The following OSBPL9 variants were observed in gnomAD, a reference collection of about 807,000 sequenced individuals.
OSBPL9 encodes oxysterol binding protein like 9, also known as oxysterol-binding protein-related protein 9.
Under a neutral mutation model 106.6 loss-of-function variants are expected in OSBPL9, and 40 were observed. That is an observed-to-expected ratio of 0.38 (90% confidence interval 0.29 to 0.49). The LOEUF (loss-of-function observed/expected upper bound fraction) is 0.49. Among genes scored for constraint, OSBPL9 ranks in the 20% least tolerant of loss-of-function variants. OSBPL9 has a pLI of 0.97. For synonymous variants in OSBPL9, 269 were observed against 295.4 expected (o/e 0.91, Z 0.92); for missense variants, 609 against 887.2 (o/e 0.69, Z 3.98).
rs540529666 is a variant in OSBPL9, at chr1:51,606,502, G to T, written c.-352-7803G>T. Among the ~76,000 whole-genome samples, 21 of 152,322 alleles carry T rather than the reference G, an allele frequency of 1.4e-4. No homozygotes were observed. In the South Asian group the frequency reaches 4.4e-3, roughly 32 times the overall value. On this transcript the variant is annotated intron_variant, in intron 2 of 25. Coordinates refer to the OSBPL9 transcript ENST00000371714. ...CTAGGTGGATATAGAATGAGGAAGA[G>T]GGCATGAGAATTCTGCAAGACTTCT...
At chr1:51,608,862 A>G (rs764294103) in intron 2 of OSBPL9, among the ~76,000 whole-genome samples, 7 of 152,130 alleles carry the variant, frequency 4.6e-5, no homozygotes, top group Non-Finnish European at 8.8e-5. Flanking sequence ...GCTGGGGGAA[A>G]AAAAAAATCC....
chr1:51,688,159 A>G (rs1654224637), intron 3 of OSBPL9, among the ~76,000 whole-genome samples: 1 of 152,220 alleles, frequency 6.6e-6, no homozygotes. Flanking sequence ...AAATCAGGGT[A>G]ATGCCATAAA....
rs752258090 is a variant in OSBPL9, at chr1:51,761,985, T to A, written c.778+14T>A. On this transcript the variant is annotated intron_variant, in intron 11 of 23. Transcript: ENST00000428468. ...CAAATAGTACAGGTACAGATTTGCA[T>A]AATTTCTTTATGTCTCATAACTCTA... is the stretch of plus-strand genomic sequence containing the variant. The A allele has an allele frequency of 6.5e-7, 1 of 1,544,036 alleles. No individual in the cohort carries two copies. Among genetic ancestry groups the A allele is most frequent in the Non-Finnish European group, 9.0e-7 (1 of 1,116,372 alleles).
At chr1:51,544,045 G>C in the OSBPL9 span, among the ~76,000 whole-genome samples, 1 of 152,226 alleles carries the variant, frequency 6.6e-6, no homozygotes, top group African/African-American at 2.4e-5. Context: ...GCAAGAGTGA[G>C]AATAATGACT....
At chr1:51,740,044 G>T (rs1265452513) in intron 4 of OSBPL9, 1 of 1,451,918 alleles carries the variant, frequency 6.9e-7, no homozygotes, top group Non-Finnish European at 9.4e-7. Context: ...CCTCTGTGTA[G>T]TTACAGATTT....
chr1:51,527,136 T>G, the OSBPL9 span, among the ~76,000 whole-genome samples: 1 of 152,166 alleles, frequency 6.6e-6, no homozygotes, highest in African/African-American at 2.4e-5. Flanking sequence ...AATTTGACAT[T>G]GAATCAAGGT....
intron 3 of OSBPL9, among the ~76,000 whole-genome samples, chr1:51,706,434 C>T (rs1658551915): frequency 1.3e-5 from 2 of 152,026 alleles, no homozygotes; most frequent in South Asian, 2.1e-4. Flanking sequence ...TTATTCATGG[C>T]ATTAATGATC....
intron 1 of OSBPL9, among the ~76,000 whole-genome samples, chr1:51,587,400 C>G (rs1342928663): frequency 1.3e-5 from 2 of 152,094 alleles, no homozygotes; most frequent in African/African-American, 4.8e-5. Flanking sequence ...ATCTGAAACT[C>G]GAACACCCAT....
chr1:51,576,419 C>T (rs1465151853), upstream of OSBPL9, among the ~76,000 whole-genome samples: 3 of 152,214 alleles, frequency 2.0e-5, no homozygotes, highest in Non-Finnish European at 4.4e-5. Flanking sequence ...GTATTAGGCC[C>T]TCATGGGGCT....
Position 51,787,423 on chromosome 1 carries a change from C to G in OSBPL9, c.2071C>G (p.Leu691Val). The change falls in exon 23 of 24, where the codon CTT (leucine) becomes GTT (valine). Residue 691 changes from leucine to valine, a missense_variant. By Grantham distance (32) the Leu-to-Val change is conservative (BLOSUM62 1). Around this residue, in one of 5 missense-constraint regions of OSBPL9, gnomAD observed 132 missense variants for 158.1 expected, o/e 0.83. Transcript: ENST00000428468. ...TGCAGCAACTGAAGCAAAGCACAGGCTTGAAGAAAGACAAAGAGCAGAAGC... is the reference window on the plus strand; with the variant it reads ...TGCAGCAACTGAAGCAAAGCACAGGGTTGAAGAAAGACAAAGAGCAGAAGC... ...IDAATEAKHR[L>V]EERQRAEARE... is the part of the protein sequence containing the mutation. 1.2e-6 allele frequency: 2 copies of G among 1,613,994 alleles called. No homozygotes were observed.
chr1:51,724,197 C>G (rs1311742897), intron 4 of OSBPL9, among the ~76,000 whole-genome samples: 2 of 152,100 alleles, frequency 1.3e-5, no homozygotes, highest in African/African-American at 4.8e-5. Context: ...TCACCCACCT[C>G]AATCTCCCAA....
At chr1:51,786,978 G>A (rs1004759439) in intron 22 of OSBPL9, among the ~76,000 whole-genome samples, 3 of 152,086 alleles carry the variant, frequency 2.0e-5, no homozygotes, top group Admixed American at 1.3e-4. Context: ...GAACTTCTCA[G>A]TTCCTCTAAC....
At chr1:51,602,759 A>C (rs1215819769) in intron 2 of OSBPL9, among the ~76,000 whole-genome samples, 1 of 152,120 alleles carries the variant, frequency 6.6e-6, no homozygotes, top group East Asian at 1.9e-4. Context: ...TAAACTCTTG[A>C]ATCAGAGAGC....
chr1:51,688,825 T>G (rs2148820767), intron 3 of OSBPL9, among the ~76,000 whole-genome samples: 1 of 152,264 alleles, frequency 6.6e-6, no homozygotes, highest in Middle Eastern at 3.4e-3. Context: ...GTACTTGGAT[T>G]ATGTCTGAGT....
chr1:51,699,176 C>A (rs1035566499), intron 3 of OSBPL9, among the ~76,000 whole-genome samples: 3 of 152,130 alleles, frequency 2.0e-5, no homozygotes, highest in Non-Finnish European at 4.4e-5. Flanking sequence ...TTAAAGTCAA[C>A]ACTAGAAAGA....
chr1:51,748,423 T>C (rs1668489994), intron 7 of OSBPL9, 25 bp downstream of exon 7: 2 of 1,458,460 alleles, frequency 1.4e-6, no homozygotes, highest in Non-Finnish European at 1.8e-6. Context: ...TGATACATTC[T>C]GACTTTGCAT....
At chr1:51,596,950 G>A (rs1645303075) in intron 1 of OSBPL9, among the ~76,000 whole-genome samples, 1 of 152,140 alleles carries the variant, frequency 6.6e-6, no homozygotes, top group Non-Finnish European at 1.5e-5. Flanking sequence ...ATAAAACAAG[G>A]CAATGACTTA....
At chr1:51,529,303 G>A in the OSBPL9 span, among the ~76,000 whole-genome samples, 17 of 151,716 alleles carry the variant, frequency 1.1e-4, no homozygotes, top group East Asian at 5.8e-4. Context: ...GCAGTGGCAC[G>A]ATCTCGGTTC....
At position 51,745,647 on chromosome 1, in the gene OSBPL9, G is replaced by C. The variant is rs1003827465; in HGVS notation, c.414+16G>C. ...ACAATTAAAGGTATGGCATTAGTTT[G>C]TATATTAAATTTATATAAATAGAAA... On this transcript the variant is annotated intron_variant, in intron 5 of 23. Coordinates refer to ENST00000428468, the MANE Select transcript of OSBPL9 (RefSeq NM_024586.6). 1.1e-5 allele frequency: 17 copies of C among 1,504,998 alleles called. No individual in the cohort carries two copies. The highest frequency in any genetic ancestry group is 1.4e-5 in the Non-Finnish European group (16 of 1,132,330). 93.2% of individuals were successfully genotyped at this position (1,504,998 alleles called of 1,614,324 possible). A position where few individuals can be genotyped will look rare whatever the true frequency, so the allele number is the denominator to read the frequency against.
Sources: allele counts gnomAD v4.1 joint callset (sites outside exome capture counted in the v4.1 genomes callset), GRCh38; gene constraint gnomAD v4.1.1; regional missense constraint gnomAD v4.1.1; transcripts MANE v1.5; gene names NCBI Gene and HGNC (gene_info 2026-07-23, HGNC 2026-07-21).